Variants in TMOD3 observed in about 807,000 individuals in gnomAD.
TMOD3 encodes the protein tropomodulin-3.
TMOD3 carries 20 observed loss-of-function variants against 39.2 expected under a neutral mutation model. The observed-to-expected ratio is 0.51, with a 90% CI of 0.36 to 0.74. The LOEUF (loss-of-function observed/expected upper bound fraction) is 0.74. Ranked by LOEUF, TMOD3 falls within the 30% of genes least tolerant of loss-of-function variation. The probability of loss-of-function intolerance (pLI) is 0.00; values close to 1 mark genes in which losing one functional copy is unlikely to be tolerated. For synonymous variants in TMOD3, 143 were observed against 145.8 expected (o/e 0.98, Z 0.14); for missense variants, 381 against 412.8 (o/e 0.92, Z 0.67).
At chr15:51,876,758 G>A (rs542173479) in intron 3 of TMOD3, among the ~76,000 whole-genome samples, 65 of 151,842 alleles carry the variant, frequency 4.3e-4, no homozygotes, top group Non-Finnish European at 7.2e-4. Context: ...ACCGCACCCG[G>A]CCCCAGCGCT....
intron 1 of TMOD3, chr15:51,859,415 C>G: frequency 1.5e-6 from 1 of 676,410 alleles, no homozygotes; most frequent in Non-Finnish European, 2.8e-6. Flanking sequence ...TTGCAGGATT[C>G]TTGCTGTTTT....
chr15:51,856,303 G>A (rs146582466), intron 1 of TMOD3, among the ~76,000 whole-genome samples: 280 of 152,260 alleles, frequency 1.8e-3, no homozygotes, highest in African/African-American at 6.3e-3. Flanking sequence ...TAACTTTTGA[G>A]CATCATTAGA....
intron 3 of TMOD3, among the ~76,000 whole-genome samples, chr15:51,883,697 A>G (rs917935278): frequency 6.6e-6 from 1 of 152,216 alleles, no homozygotes; most frequent in South Asian, 2.1e-4. Context: ...TCAGCTGCCC[A>G]TGCAGCATAC....
intron 1 of TMOD3, among the ~76,000 whole-genome samples, chr15:51,840,791 T>A (rs2056309446): frequency 6.6e-6 from 1 of 152,248 alleles, no homozygotes; most frequent in African/African-American, 2.4e-5. Flanking sequence ...TGTTGACGTT[T>A]ATAGGCTCTT....
In TMOD3 at chr15:51,913,299, C is replaced by G. The variant is rs2056720171; in HGVS notation, c.*4489C>G. 1 of 152,226 alleles carries G rather than the reference C, an allele frequency of 6.6e-6. No individual in the cohort carries two copies. The highest frequency in any genetic ancestry group is 3.4e-3 in the Middle Eastern group (1 of 294). 9.4% of individuals were successfully genotyped at this position (152,226 alleles called of 1,614,324 possible). A position where few individuals can be genotyped will look rare whatever the true frequency, so the allele number is the denominator to read the frequency against. On this transcript the variant is annotated 3_prime_UTR_variant, in exon 10 of 10. Coordinates refer to ENST00000308580, the MANE Select transcript of TMOD3 (RefSeq NM_014547.5). ...ATTCTTATATTTTAATTTGGTCATT[C>G]TTAGATCTACAGATTGAACATCCCT...
At chr15:51,892,721 T>G (rs990651613) in intron 5 of TMOD3, among the ~76,000 whole-genome samples, 2 of 152,210 alleles carry the variant, frequency 1.3e-5, no homozygotes, top group Admixed American at 6.5e-5. Flanking sequence ...CTATATTTCT[T>G]TAAGTCTGTG....
chr15:51,862,659 G>T (rs769004550), intron 1 of TMOD3, among the ~76,000 whole-genome samples, 152 bp from the exon 2 acceptor site: 3 of 151,970 alleles, frequency 2.0e-5, no homozygotes, highest in Non-Finnish European at 4.4e-5. Flanking sequence ...AAGGCAAAAG[G>T]CATTGAATGA....
Position 51,901,894 on chromosome 15 carries a change from GC to G in TMOD3, c.883del (p.Gln295SerfsTer7). 6.2e-7 allele frequency: 1 copy of G among 1,612,632 alleles called. No individual in the cohort carries two copies. Among genetic ancestry groups the G allele is most frequent in the South Asian group, 1.1e-5 (1 of 90,836 alleles). ...TTCTTTTTTTCTAATTACTCCAGAG[GC>G]AGCAGTTGGGGACAGCTGTAGAATT... ...LAELKIDNQR[Q>X]QLGTAVELEM... On this transcript the variant is annotated frameshift_variant, in exon 9 of 10. Transcript: ENST00000308580. LOFTEE classifies it high-confidence loss of function.
chr15:51,846,153 C>CAA lies in TMOD3; in HGVS notation c.-75+16330_-75+16331dup, dbSNP rs71130104. On this transcript the variant is annotated intron_variant, in intron 1 of 9. Transcript: ENST00000308580. ...CAACATGGTAAAACCCCATTTCTACCAAAAAAAAAAAAAATACAAAAATAA... is the reference window on the plus strand; with the variant it reads ...CAACATGGTAAAACCCCATTTCTACCAAAAAAAAAAAAAAAATACAAAAATAA... Among the ~76,000 whole-genome samples the CAA allele has an allele frequency of 6.1e-4, 84 of 138,212 alleles. 1 individual carries two copies. The South Asian group carries it at 6.5e-3, about 11-fold the overall frequency. 90.7% of individuals were successfully genotyped at this position (138,212 alleles called of 152,430 possible). A position where few individuals can be genotyped will look rare whatever the true frequency, so the allele number is the denominator to read the frequency against.
intron 1 of TMOD3, among the ~76,000 whole-genome samples, chr15:51,838,818 T>C (rs143787866): frequency 3.9e-4 from 60 of 152,232 alleles, no homozygotes; most frequent in African/African-American, 1.4e-3. Flanking sequence ...TAGCTTGTTA[T>C]GGTAGTGCCT....
intron 1 of TMOD3, among the ~76,000 whole-genome samples, chr15:51,838,876 C>T (rs2056299395): frequency 6.6e-6 from 1 of 152,130 alleles, no homozygotes; most frequent in Non-Finnish European, 1.5e-5. Flanking sequence ...TGTCTCCCAG[C>T]TTTCCAGATT....
intron 2 of TMOD3, among the ~76,000 whole-genome samples, chr15:51,864,859 T>G (rs1303685141): frequency 6.6e-6 from 1 of 152,044 alleles, no homozygotes; most frequent in Admixed American, 6.6e-5. Flanking sequence ...TTGGTTTGCG[T>G]ATGAAAGGTG....
chr15:51,832,217 A>ATATG (rs1156963515), intron 1 of TMOD3, among the ~76,000 whole-genome samples: 1 of 133,012 alleles, frequency 7.5e-6, no homozygotes, highest in Non-Finnish European at 1.6e-5. Context: ...ATATATATAT[A>ATATG]TATATATATA....
intron 1 of TMOD3, among the ~76,000 whole-genome samples, chr15:51,855,146 C>T (rs1028813754): frequency 8.5e-5 from 13 of 152,172 alleles, no homozygotes; most frequent in African/African-American, 4.8e-5. Flanking sequence ...CTTCAGCCTT[C>T]GAAGACTTTT....
At chr15:51,859,046 T>C (rs2056402812) in intron 1 of TMOD3, 1 of 392,518 alleles carries the variant, frequency 2.5e-6, no homozygotes, top group Non-Finnish European at 4.6e-6. Context: ...CAAGTTAATA[T>C]AAAATTAAAG....
intron 1 of TMOD3, among the ~76,000 whole-genome samples, chr15:51,855,048 A>C (rs1223084265): frequency 2.0e-5 from 3 of 152,244 alleles, no homozygotes; most frequent in Non-Finnish European, 4.4e-5. Context: ...TATAGCCTCC[A>C]CTAGCTGAAG....
rs541507285 is a variant in TMOD3, at chr15:51,902,701, G to C, written c.1024+665G>C. Among the ~76,000 whole-genome samples, 5 of 141,622 alleles carry C rather than the reference G, an allele frequency of 3.5e-5. No homozygotes were observed. In the East Asian group the frequency reaches 1.1e-3, roughly 32 times the overall value. 92.9% of individuals were successfully genotyped at this position (141,622 alleles called of 152,430 possible). A position where few individuals can be genotyped will look rare whatever the true frequency, so the allele number is the denominator to read the frequency against. ...GTCTTGCTCTGTCGCCCAGGCTGGA[G>C]TGCAGTGGCACGATCTCGGCTCACT... On this transcript the variant is annotated intron_variant, in intron 9 of 9. Transcript: ENST00000308580.
At chr15:51,902,960 A>G (rs986174583) in intron 9 of TMOD3, among the ~76,000 whole-genome samples, 4 of 143,028 alleles carry the variant, frequency 2.8e-5, no homozygotes, top group African/African-American at 1.1e-4. Flanking sequence ...CAATTTTTGT[A>G]TTTTTAGTAG....
In TMOD3 at chr15:51,892,600, T is replaced by G. The variant is rs529444779; in HGVS notation, c.497-1215T>G. The G allele has an allele frequency of 7.2e-5, 11 of 152,306 alleles. No homozygotes were observed. The South Asian group carries it at 2.3e-3, about 32-fold the overall frequency. The allele number at this position is 152,306 out of a possible 1,614,324, so 9.4% of individuals were successfully genotyped here. A position where few individuals can be genotyped will look rare whatever the true frequency, so the allele number is the denominator to read the frequency against. On this transcript the variant is annotated intron_variant, in intron 5 of 9. Transcript: ENST00000308580. ...CTCTGCTCCTTATTCCTACCCTCTT[T>G]CCTATTCCTTCTTTCTCGCAGGAAG...
Sources: allele counts gnomAD v4.1 joint callset (sites outside exome capture counted in the v4.1 genomes callset), GRCh38; gene constraint gnomAD v4.1.1; transcripts MANE v1.5; gene names NCBI Gene and HGNC (gene_info 2026-07-23, HGNC 2026-07-21).